ATP6V1C1: variants seen among roughly 807,000 people sequenced by gnomAD.
ATP6V1C1 encodes ATPase H+ transporting V1 subunit C1, also known as V-type proton ATPase subunit C 1.
In ATP6V1C1, 45 loss-of-function variants were observed where a neutral mutation model predicts 53.9. That is an observed-to-expected ratio of 0.83 (90% confidence interval 0.66 to 1.07). ATP6V1C1 has a LOEUF of 1.07. Ranked by LOEUF, ATP6V1C1 falls within the 50% of genes least tolerant of loss-of-function variation. ATP6V1C1 has a pLI of 0.00. For synonymous variants in ATP6V1C1, 153 were observed against 155.2 expected, an observed-to-expected ratio of 0.99 and a Z score of 0.11; for missense variants, 315 against 440.3, an observed-to-expected ratio of 0.72 and a Z score of 2.55.
At chr8:103,037,584 A>AT (rs1816920830) in intron 1 of ATP6V1C1, among the ~76,000 whole-genome samples, 1 of 152,206 alleles carries the variant, frequency 6.6e-6, no homozygotes, top group South Asian at 2.1e-4. Flanking sequence ...TTAATTTGGT[A>AT]TCTAGATTAT....
chr8:103,049,053 A>T (rs187952097), intron 4 of ATP6V1C1, 98 bp downstream of exon 4: 1 of 1,063,982 alleles, frequency 9.4e-7, no homozygotes, highest in Non-Finnish European at 1.4e-6. Context: ...ACAGAAAAGG[A>T]CACTAAATAC....
intron 3 of ATP6V1C1, among the ~76,000 whole-genome samples, chr8:103,048,316 T>G (rs1432639682): frequency 6.6e-6 from 1 of 152,220 alleles, no homozygotes; most frequent in Non-Finnish European, 1.5e-5. Flanking sequence ...CCTAATAGTT[T>G]TGGCATTATG....
At chr8:103,038,262 C>T (rs1381449632) in intron 1 of ATP6V1C1, among the ~76,000 whole-genome samples, 2 of 152,124 alleles carry the variant, frequency 1.3e-5, no homozygotes, top group East Asian at 3.9e-4. Flanking sequence ...GTGGCCTTAT[C>T]ACTTGCAATA....
chr8:103,047,425 C>T (rs56133596), intron 3 of ATP6V1C1, among the ~76,000 whole-genome samples: 21 of 66,232 alleles, frequency 3.2e-4, no homozygotes, highest in Admixed American at 9.6e-4. Context: ...AAAAAAAATG[C>T]GCGCGCACAC....
At chr8:103,062,799 C>T (rs563749953) in intron 8 of ATP6V1C1, among the ~76,000 whole-genome samples, 156 bp from the exon 9 acceptor site, 6 of 152,232 alleles carry the variant, frequency 3.9e-5, no homozygotes, top group Admixed American at 2.0e-4. Context: ...TCAGTATCTT[C>T]GGTGTTTGAG....
intron 7 of ATP6V1C1, 42 bp downstream of exon 7, chr8:103,054,024 A>G: frequency 6.7e-7 from 1 of 1,491,144 alleles, no homozygotes; most frequent in South Asian, 1.2e-5. Context: ...GTTAAAATAC[A>G]AGAAAAATGT....
At chr8:103,055,392 C>G (rs1817273210) in intron 7 of ATP6V1C1, among the ~76,000 whole-genome samples, 2 of 152,104 alleles carry the variant, frequency 1.3e-5, no homozygotes, top group Non-Finnish European at 2.9e-5. Context: ...GGTTGTTGCA[C>G]AATGTTTTGT....
intron 1 of ATP6V1C1, among the ~76,000 whole-genome samples, chr8:103,026,041 C>T (rs752417313): frequency 6.6e-6 from 1 of 152,176 alleles, no homozygotes; most frequent in Non-Finnish European, 1.5e-5. Flanking sequence ...CAGGGAATCC[C>T]CTGGCATGGA....
chr8:103,057,331 G>A (rs905050855), intron 8 of ATP6V1C1, among the ~76,000 whole-genome samples: 1 of 152,190 alleles, frequency 6.6e-6, no homozygotes. Flanking sequence ...TCACACTCCT[G>A]TGCAAATATC....
At chr8:103,060,876 G>C (rs1264065182) in intron 8 of ATP6V1C1, among the ~76,000 whole-genome samples, 1 of 152,164 alleles carries the variant, frequency 6.6e-6, no homozygotes, top group Non-Finnish European at 1.5e-5. Context: ...TGCTTAATAG[G>C]TAACCTGTTC....
chr8:103,063,345 G>GT (rs1010451564), intron 10 of ATP6V1C1, 117 bp downstream of exon 10: 47,028 of 457,526 alleles, frequency 0.1, no homozygotes, highest in Middle Eastern at 0.14. Context: ...TTTGATTTTA[G>GT]TTTTTTTTTT....
chr8:103,032,899 C>T (rs1419144462), intron 1 of ATP6V1C1, among the ~76,000 whole-genome samples: 1 of 152,102 alleles, frequency 6.6e-6, no homozygotes, highest in Admixed American at 6.5e-5. Flanking sequence ...TTCATAGAAT[C>T]TCTATTCTTA....
At chr8:103,065,839 T>G (rs573971529) in intron 11 of ATP6V1C1, among the ~76,000 whole-genome samples, 3 of 152,026 alleles carry the variant, frequency 2.0e-5, no homozygotes, top group Admixed American at 1.3e-4. Flanking sequence ...GTCAAGAGAT[T>G]GAGACCATGC....
intron 1 of ATP6V1C1, among the ~76,000 whole-genome samples, chr8:103,032,192 A>G (rs908142797): frequency 1.3e-5 from 2 of 152,220 alleles, no homozygotes; most frequent in Admixed American, 6.5e-5. Context: ...GCAACTCAAT[A>G]AGTGAATCCA....
At chr8:103,026,504 G>T (rs979352700) in intron 1 of ATP6V1C1, among the ~76,000 whole-genome samples, 21 of 152,294 alleles carry the variant, frequency 1.4e-4, no homozygotes, top group Admixed American at 7.2e-4. Flanking sequence ...GAATATTTAA[G>T]ATTTATTTAA....
At chr8:103,067,396 CAAAAAAA>C (rs751801442) in intron 12 of ATP6V1C1, among the ~76,000 whole-genome samples, 1 of 71,952 alleles carries the variant, frequency 1.4e-5, no homozygotes, top group Non-Finnish European at 2.9e-5. Context: ...GACTCCGTCC[CAAAAAAA>C]AAAAAAAAAA....
In ATP6V1C1 at chr8:103,070,183, G is replaced by A. The variant is rs4734684; in HGVS notation, c.*1436G>A. 0.26 allele frequency: 39,873 copies of A among 152,198 alleles called. 6,060 individuals are homozygous for A. The highest frequency in any genetic ancestry group is 0.39 in the Admixed American group (5,949 of 15,286). 9.4% of individuals were successfully genotyped at this position (152,198 alleles called of 1,614,324 possible). A position where few individuals can be genotyped will look rare whatever the true frequency, so the allele number is the denominator to read the frequency against. On this transcript the variant is annotated 3_prime_UTR_variant, in exon 13 of 13. Coordinates refer to ENST00000518738, the MANE Select transcript of ATP6V1C1 (RefSeq NM_001695.5). ...TCATTCTTTTAACTGGCTGCGTGGC[G>A]TTCCATTGAGTGTCTGTCATCATGT...
At chr8:103,039,679 G>C (rs1396727804) in intron 1 of ATP6V1C1, among the ~76,000 whole-genome samples, 3 of 152,072 alleles carry the variant, frequency 2.0e-5, no homozygotes, top group Non-Finnish European at 4.4e-5. Flanking sequence ...TACCTACCTA[G>C]ATTCTGAATA....
At chr8:103,044,408 A>G (rs968524620) in intron 3 of ATP6V1C1, among the ~76,000 whole-genome samples, 2 of 152,198 alleles carry the variant, frequency 1.3e-5, no homozygotes, top group Admixed American at 6.5e-5. Flanking sequence ...AGTTTTATGT[A>G]TGTTGTGAGG....
Sources: allele counts gnomAD v4.1 joint callset (sites outside exome capture counted in the v4.1 genomes callset), GRCh38; gene constraint gnomAD v4.1.1; transcripts MANE v1.5; gene names NCBI Gene and HGNC (gene_info 2026-07-23, HGNC 2026-07-21).